Variants in FBXL7 observed in about 807,000 individuals in gnomAD.
FBXL7 encodes the protein F-box and leucine rich repeat protein 7.
In FBXL7, 12 loss-of-function variants were observed where a neutral mutation model predicts 38.3. The ratio of observed to expected loss-of-function variants is 0.31; its 90% CI spans 0.20 to 0.51. The LOEUF is 0.51. Among genes scored for constraint, FBXL7 ranks in the 20% least tolerant of loss-of-function variants. The pLI, the probability that FBXL7 is intolerant of heterozygous loss-of-function variation, is 0.98. For synonymous variants in FBXL7, 297 were observed against 300.9 expected, an observed-to-expected ratio of 0.99 and a Z score of 0.13; for missense variants, 567 against 676.4, an observed-to-expected ratio of 0.84 and a Z score of 1.79.
chr5:15,624,381 G>C (rs180970295), intron 2 of FBXL7, among the ~76,000 whole-genome samples: 1 of 152,248 alleles, frequency 6.6e-6, no homozygotes, highest in East Asian at 1.9e-4. Flanking sequence ...TATTTTAACT[G>C]TTTTCCCATT....
chr5:15,922,336 G>A (rs1438458976), intron 2 of FBXL7, among the ~76,000 whole-genome samples: 1 of 151,746 alleles, frequency 6.6e-6, no homozygotes, highest in African/African-American at 2.4e-5. Context: ...AAAAATTGGG[G>A]CATTTTTTTC....
chr5:15,669,021 TCTG>T (rs1015954953), intron 2 of FBXL7, among the ~76,000 whole-genome samples: 24 of 152,134 alleles, frequency 1.6e-4, no homozygotes, highest in Non-Finnish European at 2.8e-4. Flanking sequence ...CCTTATTGTT[TCTG>T]CTGCTGCTGC....
intron 2 of FBXL7, among the ~76,000 whole-genome samples, chr5:15,889,479 T>C (rs760876122): frequency 3.9e-5 from 6 of 152,194 alleles, no homozygotes; most frequent in African/African-American, 7.2e-5. Context: ...CTGTAGTGTC[T>C]CTAGAGTTAA....
intron 2 of FBXL7, among the ~76,000 whole-genome samples, chr5:15,620,446 C>T (rs1740598602): frequency 6.8e-6 from 1 of 146,766 alleles, no homozygotes; most frequent in Non-Finnish European, 1.5e-5. Context: ...AACGGGGTTT[C>T]ACCATGTTAG....
At chr5:15,669,686 T>A (rs1742402747) in intron 2 of FBXL7, among the ~76,000 whole-genome samples, 1 of 152,154 alleles carries the variant, frequency 6.6e-6, no homozygotes, top group South Asian at 2.1e-4. Flanking sequence ...CTCCCACCCA[T>A]AAGTTACTTG....
At chr5:15,722,566 C>T (rs186769222) in intron 2 of FBXL7, among the ~76,000 whole-genome samples, 93 of 152,232 alleles carry the variant, frequency 6.1e-4, no homozygotes, top group African/African-American at 1.8e-3. Flanking sequence ...TCCTCTTGGC[C>T]GGCTCATTTC....
intron 2 of FBXL7, among the ~76,000 whole-genome samples, chr5:15,668,367 T>TG (rs1491437270): frequency 1.2e-4 from 16 of 129,222 alleles, no homozygotes; most frequent in Non-Finnish European, 2.3e-4. Flanking sequence ...TATATTTGTG[T>TG]TTGTGTGTGT....
intron 2 of FBXL7, among the ~76,000 whole-genome samples, chr5:15,848,977 T>A (rs1231388114): frequency 6.6e-6 from 1 of 152,226 alleles, no homozygotes; most frequent in Non-Finnish European, 1.5e-5. Context: ...AAATCCAAGA[T>A]GGCAGCTGCT....
At chr5:15,815,559 TGATA>T (rs1177908438) in intron 2 of FBXL7, among the ~76,000 whole-genome samples, 3 of 152,180 alleles carry the variant, frequency 2.0e-5, no homozygotes, top group Non-Finnish European at 4.4e-5. Context: ...AATTCTGCCT[TGATA>T]GATTATTTCT....
chr5:15,711,520 G>A (rs1056413554), intron 2 of FBXL7, among the ~76,000 whole-genome samples: 1 of 152,152 alleles, frequency 6.6e-6, no homozygotes, highest in Non-Finnish European at 1.5e-5. Flanking sequence ...TGCGAGTTAG[G>A]ACTTCAACAT....
intron 2 of FBXL7, among the ~76,000 whole-genome samples, chr5:15,674,986 C>G (rs1742605464): frequency 1.3e-5 from 2 of 152,136 alleles, no homozygotes; most frequent in Admixed American, 6.6e-5. Context: ...GTGAATGAAC[C>G]TGATATCAAC....
intron 2 of FBXL7, among the ~76,000 whole-genome samples, chr5:15,734,883 G>A (rs186928482): frequency 2.2e-4 from 33 of 152,142 alleles, no homozygotes; most frequent in Non-Finnish European, 4.0e-4. Flanking sequence ...CATCATGGAG[G>A]GCCTTGCCTC....
At position 15,607,546 on chromosome 5, in the gene FBXL7, CTTAAA is replaced by C. The variant is rs930332057; in HGVS notation, c.38-8431_38-8427del. Among the ~76,000 whole-genome samples the C allele has an allele frequency of 8.0e-4, 121 of 152,192 alleles. 1 individual carries two copies. The highest frequency in any genetic ancestry group is 2.6e-3 in the African/African-American group (106 of 41,530). On this transcript the variant is annotated intron_variant, in intron 1 of 3. Coordinates refer to ENST00000504595, the MANE Select transcript of FBXL7 (RefSeq NM_012304.5). ...GTTTTGCATAGTACCTATGGGAATT[CTTAAA>C]TTAAAAGAAACGTAAAGTCCCTCAC...
intron 2 of FBXL7, among the ~76,000 whole-genome samples, chr5:15,650,452 C>T (rs538093587): frequency 9.8e-5 from 15 of 152,336 alleles, no homozygotes; most frequent in Non-Finnish European, 1.6e-4. Context: ...GCTGCTGACT[C>T]ATCAGGGTGG....
At chr5:15,611,716 C>T (rs1740241932) in intron 1 of FBXL7, among the ~76,000 whole-genome samples, 1 of 151,956 alleles carries the variant, frequency 6.6e-6, no homozygotes, top group Non-Finnish European at 1.5e-5. Context: ...GGCATGATGG[C>T]TCTTGCCTGT....
At chr5:15,756,025 CA>C (rs1399040146) in intron 2 of FBXL7, among the ~76,000 whole-genome samples, 1 of 152,136 alleles carries the variant, frequency 6.6e-6, no homozygotes, top group Non-Finnish European at 1.5e-5. Flanking sequence ...GAGAGTTTGC[CA>C]AGTTTACTTA....
At position 15,678,946 on chromosome 5, in the gene FBXL7, A is replaced by T. The variant is rs537330967; in HGVS notation, c.127+62874A>T. On this transcript the variant is annotated intron_variant, in intron 2 of 3. Coordinates refer to ENST00000504595, the MANE Select transcript of FBXL7 (RefSeq NM_012304.5). ...TCGAAGAACAAAAGTGCATTTGAAT[A>T]TCATAAAATTTCAGGCAGCTACAAA... Among the ~76,000 whole-genome samples, 10 of 152,356 alleles carry T rather than the reference A, an allele frequency of 6.6e-5. No individual in the cohort carries two copies. The East Asian group carries it at 1.9e-3, about 29-fold the overall frequency.
intron 2 of FBXL7, among the ~76,000 whole-genome samples, chr5:15,745,507 T>G (rs544896187): frequency 6.6e-6 from 1 of 152,292 alleles, no homozygotes; most frequent in East Asian, 1.9e-4. Flanking sequence ...TGGTGTTAAT[T>G]AGTTACAGTG....
chr5:15,663,574 G>A (rs569043601), intron 2 of FBXL7, among the ~76,000 whole-genome samples: 3 of 152,200 alleles, frequency 2.0e-5, no homozygotes, highest in Non-Finnish European at 4.4e-5. Context: ...TGTCTATTGA[G>A]ATAATGATGT....
Sources: allele counts gnomAD v4.1 joint callset (sites outside exome capture counted in the v4.1 genomes callset), GRCh38; gene constraint gnomAD v4.1.1; transcripts MANE v1.5; gene names NCBI Gene and HGNC (gene_info 2026-07-23, HGNC 2026-07-21).